Variants in GABRG2 observed in about 807,000 individuals in gnomAD.
GABRG2 encodes gamma-aminobutyric acid type A receptor subunit gamma2, also known as gamma-aminobutyric acid receptor subunit gamma-2.
In GABRG2, 16 loss-of-function variants were observed where a neutral mutation model predicts 56.4. That is an observed-to-expected ratio of 0.28 (90% CI 0.19 to 0.43). The LOEUF (loss-of-function observed/expected upper bound fraction) is 0.43. GABRG2 is among the 20% of genes least tolerant of loss of function. The pLI is 1.00. For synonymous variants in GABRG2, 208 were observed against 205.5 expected, an observed-to-expected ratio of 1.01 and a Z score of -0.10; for missense variants, 327 against 582.7, an observed-to-expected ratio of 0.56 and a Z score of 4.52.
At position 162,073,987 on chromosome 5, in the gene GABRG2, C is replaced by T. The variant is rs771073906; in HGVS notation, c.107+5881C>T. On this transcript the variant is annotated intron_variant, in intron 1 of 9. Transcript: ENST00000639213. ...TCACATTGCACAAGTATAGTCACCC[C>T]CCGGCTTTTTTTATCTAAATGTAAG... 1.2e-4 allele frequency among the ~76,000 whole-genome samples: 18 copies of T among 151,898 alleles called. 1 individual carries two copies. Among genetic ancestry groups the T allele is most frequent in the Non-Finnish European group, 1.9e-4 (13 of 67,856 alleles).
At chr5:162,131,055 G>T (rs1308662341) in intron 6 of GABRG2, among the ~76,000 whole-genome samples, 1 of 152,014 alleles carries the variant, frequency 6.6e-6, no homozygotes, top group African/African-American at 2.4e-5. Context: ...ACCAAAATGA[G>T]TAAAGTGAGA....
intron 3 of GABRG2, among the ~76,000 whole-genome samples, chr5:162,096,455 T>C (rs1761002214): frequency 6.6e-6 from 1 of 152,174 alleles, no homozygotes; most frequent in South Asian, 2.1e-4. Context: ...AAGTTTTTTA[T>C]TCATGGCTTT....
At chr5:162,135,595 A>G (rs1764065257) in intron 6 of GABRG2, among the ~76,000 whole-genome samples, 1 of 152,176 alleles carries the variant, frequency 6.6e-6, no homozygotes, top group Non-Finnish European at 1.5e-5. Context: ...TCACCATCAT[A>G]TATTTTTATT....
chr5:162,072,679 G>A (rs181600486), intron 1 of GABRG2, among the ~76,000 whole-genome samples: 16 of 151,974 alleles, frequency 1.1e-4, no homozygotes, highest in African/African-American at 3.6e-4. Flanking sequence ...CATACACACT[G>A]AATCAAATAA....
chr5:162,083,597 A>T (rs1759828894), intron 1 of GABRG2: 1 of 167,894 alleles, frequency 6.0e-6, no homozygotes, highest in African/African-American at 2.4e-5. Flanking sequence ...GGAGATCCTG[A>T]CAGAGCTAAG....
At chr5:162,148,346 G>A (rs781491496) in intron 7 of GABRG2, among the ~76,000 whole-genome samples, 1 of 152,158 alleles carries the variant, frequency 6.6e-6, no homozygotes, top group Non-Finnish European at 1.5e-5. Context: ...TGTATATGAA[G>A]CGCTTATCAC....
rs1046810936 is a variant in GABRG2 at position 162,082,795 on chromosome 5, C to G, written c.108-11033C>G. Reference sequence around the variant, plus strand: ...GAGTAGGAGGAAGGAGGAACAAGAACAGTACTAACAACAAGAAGAAAAAAT... The same window carrying G: ...GAGTAGGAGGAAGGAGGAACAAGAAGAGTACTAACAACAAGAAGAAAAAAT... On this transcript the variant is annotated intron_variant, in intron 1 of 9. Transcript: ENST00000639213. 4.7e-5 allele frequency among the ~76,000 whole-genome samples: 7 copies of G among 148,002 alleles called. 1 individual carries two copies. The highest frequency in any genetic ancestry group is 1.4e-4 in the Admixed American group (2 of 14,802).
At chr5:162,073,703 C>G (rs1028478248) in intron 1 of GABRG2, among the ~76,000 whole-genome samples, 1 of 151,806 alleles carries the variant, frequency 6.6e-6, no homozygotes, top group Non-Finnish European at 1.5e-5. Context: ...AACAGAAAAG[C>G]TCTTATGTTT....
At chr5:162,069,132 G>A (rs1010038859) in intron 1 of GABRG2, among the ~76,000 whole-genome samples, 1 of 152,152 alleles carries the variant, frequency 6.6e-6, no homozygotes, top group Non-Finnish European at 1.5e-5. Context: ...ACTTTCCTGA[G>A]CTAAGAGTAT....
At chr5:162,073,807 C>T (rs1017546865) in intron 1 of GABRG2, among the ~76,000 whole-genome samples, 3 of 152,014 alleles carry the variant, frequency 2.0e-5, no homozygotes, top group Admixed American at 6.6e-5. Context: ...TTTATTCTCT[C>T]AGTAGACTCA....
chr5:162,104,785 T>C (rs1398888029), intron 6 of GABRG2, among the ~76,000 whole-genome samples: 1 of 152,064 alleles, frequency 6.6e-6, no homozygotes, highest in Non-Finnish European at 1.5e-5. Flanking sequence ...TAAAAGTAAA[T>C]ATTTTTATAT....
intron 6 of GABRG2, among the ~76,000 whole-genome samples, chr5:162,133,826 C>T (rs1309719248): frequency 1.3e-5 from 2 of 152,092 alleles, no homozygotes; most frequent in East Asian, 3.9e-4. Context: ...GAGAAAACCA[C>T]TACATTTGGA....
chr5:162,134,605 A>AT (rs1250755283), intron 6 of GABRG2, among the ~76,000 whole-genome samples: 2 of 152,160 alleles, frequency 1.3e-5, no homozygotes, highest in Non-Finnish European at 2.9e-5. Context: ...CAGGATTCGA[A>AT]TTTTGAACCC....
chr5:162,115,338 A>G (rs1023817645), intron 6 of GABRG2, among the ~76,000 whole-genome samples: 3 of 152,190 alleles, frequency 2.0e-5, no homozygotes, highest in Admixed American at 6.6e-5. Flanking sequence ...CGAAGCAAAC[A>G]TATGGTGGGT....
rs1318922395 is a variant in GABRG2 at position 162,087,234 on chromosome 5, G to A, written c.108-6594G>A. Among the ~76,000 whole-genome samples, 4 of 152,068 alleles carry A rather than the reference G, an allele frequency of 2.6e-5. No individual in the cohort carries two copies. The East Asian group carries it at 5.8e-4, about 22-fold the overall frequency. ...ATGAGCATCGTCACTGCCTCTCCAC[G>A]TTTTCCCTCCTCACCTTCTGAACTA... On this transcript the variant is annotated intron_variant, in intron 1 of 9. Transcript: ENST00000639213.
rs544764871 is a variant in GABRG2 at position 162,070,875 on chromosome 5, C to A, written c.107+2769C>A. Among the ~76,000 whole-genome samples the A allele has an allele frequency of 3.8e-4, 57 of 151,954 alleles. 1 individual carries two copies. The highest frequency in any genetic ancestry group is 1.3e-3 in the African/African-American group (55 of 41,528). ...TCAACAGGAGTATTTTCAACAAGTA[C>A]CCTAGACCTCACTTTGAAGAAAAGT... On this transcript the variant is annotated intron_variant, in intron 1 of 9. Coordinates refer to ENST00000639213, the MANE Select transcript of GABRG2 (RefSeq NM_198904.4).
intron 7 of GABRG2, among the ~76,000 whole-genome samples, chr5:162,146,893 A>G (rs980420015): frequency 6.6e-6 from 1 of 152,246 alleles, no homozygotes; most frequent in Non-Finnish European, 1.5e-5. Flanking sequence ...GGAAACTTTC[A>G]TACTAAGCTA....
chr5:162,078,052 C>T (rs550527255), intron 1 of GABRG2, among the ~76,000 whole-genome samples: 4 of 152,034 alleles, frequency 2.6e-5, no homozygotes, highest in Admixed American at 2.0e-4. Context: ...CAGACCTATC[C>T]TGATGTATAA....
chr5:162,117,027 T>A (rs1462070907), intron 6 of GABRG2, among the ~76,000 whole-genome samples: 1 of 152,182 alleles, frequency 6.6e-6, no homozygotes, highest in Non-Finnish European at 1.5e-5. Flanking sequence ...TGAAAATGTC[T>A]GTCTGAGAAT....
Sources: allele counts gnomAD v4.1 joint callset (sites outside exome capture counted in the v4.1 genomes callset), GRCh38; gene constraint gnomAD v4.1.1; transcripts MANE v1.5; gene names NCBI Gene and HGNC (gene_info 2026-07-23, HGNC 2026-07-21).